Variants in AGBL1 observed in about 807,000 individuals in gnomAD.
AGBL1 encodes the protein AGBL carboxypeptidase 1.
Under a neutral mutation model 118.9 loss-of-function variants are expected in AGBL1, and 130 were observed. The ratio of observed to expected loss-of-function variants is 1.09; its 90% CI spans 0.95 to 1.26. The LOEUF is 1.26. Among genes scored for constraint, AGBL1 ranks in the 50% most tolerant of loss-of-function variants. AGBL1 has a pLI of 0.00. For missense variants in AGBL1, 1,584 were observed against 1,298.1 expected, an observed-to-expected ratio of 1.22 and a Z score of -3.38; for synonymous variants, 555 against 478.9, an observed-to-expected ratio of 1.16 and a Z score of -2.08.
chr15:86,957,774 G>A (rs946879278), intron 23 of AGBL1, among the ~76,000 whole-genome samples: 15 of 151,942 alleles, frequency 9.9e-5, no homozygotes, highest in South Asian at 2.1e-4. Context: ...AATTCTTGTC[G>A]TATTAATCTA....
intron 24 of AGBL1, among the ~76,000 whole-genome samples, chr15:86,990,811 C>T (rs556774644): frequency 1.3e-5 from 2 of 152,208 alleles, no homozygotes; most frequent in Admixed American, 6.5e-5. Flanking sequence ...CCACCAGGAG[C>T]AAGGACAGGG....
chr15:86,550,797 C>T (rs2083653684), intron 20 of AGBL1, among the ~76,000 whole-genome samples: 1 of 151,908 alleles, frequency 6.6e-6, no homozygotes, highest in Admixed American at 6.6e-5. Flanking sequence ...TTTGAGTGCA[C>T]ATCAAAATTT....
intron 22 of AGBL1, among the ~76,000 whole-genome samples, chr15:86,895,270 A>G (rs2080109193): frequency 6.6e-6 from 1 of 152,040 alleles, no homozygotes; most frequent in Admixed American, 6.5e-5. Context: ...AAGCCTTGAG[A>G]AAAATATAGA....
intron 17 of AGBL1, among the ~76,000 whole-genome samples, chr15:86,303,887 G>C (rs1425198917): frequency 6.6e-6 from 1 of 152,090 alleles, no homozygotes; most frequent in Non-Finnish European, 1.5e-5. Context: ...GAAAGAATTG[G>C]ATGTATTATC....
intron 21 of AGBL1, among the ~76,000 whole-genome samples, chr15:86,559,495 A>C (rs1488582679): frequency 6.6e-6 from 1 of 152,156 alleles, no homozygotes; most frequent in Admixed American, 6.6e-5. Context: ...TTGGAAGACA[A>C]ATTTGAGACT....
chr15:86,944,412 T>TGA lies in AGBL1; in HGVS notation c.3222-43575_3222-43574insGA, dbSNP rs2080791592. Reference sequence around the variant, plus strand: ...AATAATAATAATGAGGGCAGGCATGTTTCAGGATGGCCGACCAGCATGTGC... The same window carrying TGA: ...AATAATAATAATGAGGGCAGGCATGTGATTCAGGATGGCCGACCAGCATGTGC... On this transcript the variant is annotated intron_variant, in intron 23 of 24. Coordinates refer to the AGBL1 transcript ENST00000441037. Among the ~76,000 whole-genome samples the TGA allele has an allele frequency of 2.6e-5, 4 of 152,134 alleles. No individual in the cohort carries two copies. In the Middle Eastern group the frequency reaches 0.01, roughly 391 times the overall value.
At chr15:86,926,060 G>A (rs1304789570) in intron 23 of AGBL1, among the ~76,000 whole-genome samples, 1 of 152,068 alleles carries the variant, frequency 6.6e-6, no homozygotes, top group African/African-American at 2.4e-5. Flanking sequence ...TAACCTATAG[G>A]AGAAGGAAAA....
intron 21 of AGBL1, among the ~76,000 whole-genome samples, chr15:86,637,629 T>C (rs7183919): frequency 0.81 from 123,324 of 152,138 alleles, 50,959 homozygotes; most frequent in South Asian, 0.89. Flanking sequence ...GCAAAGGCTA[T>C]TGGGGTCATC....
At chr15:86,927,025 G>C (rs2080548308) in intron 23 of AGBL1, among the ~76,000 whole-genome samples, 1 of 151,952 alleles carries the variant, frequency 6.6e-6, no homozygotes, top group African/African-American at 2.4e-5. Context: ...TGTAATCCTA[G>C]CTGCTCAGGA....
rs2141293684 is a variant in AGBL1 at position 86,774,088 on chromosome 15, C to T, written c.3158+99652C>T. Among the ~76,000 whole-genome samples, 4 of 152,156 alleles carry T rather than the reference C, an allele frequency of 2.6e-5. No homozygotes were observed. The South Asian group carries it at 8.3e-4, about 32-fold the overall frequency. On this transcript the variant is annotated intron_variant, in intron 22 of 22. Transcript: ENST00000614907. ...CTTTGCCTAGCAACAGTAACCAAGA[C>T]CATCTGCAACTTCAGTCCTGTGAGA... is the stretch of plus-strand genomic sequence containing the variant.
chr15:86,907,051 C>T (rs1453077645), intron 22 of AGBL1, 36 bp from the exon 23 acceptor site: 1 of 152,324 alleles, frequency 6.6e-6, no homozygotes, highest in Non-Finnish European at 1.5e-5. Context: ...TCCTCTTCTT[C>T]CTTTCTTCTC....
At chr15:86,629,378 A>C (rs569204705) in intron 21 of AGBL1, among the ~76,000 whole-genome samples, 1 of 152,296 alleles carries the variant, frequency 6.6e-6, no homozygotes, top group African/African-American at 2.4e-5. Context: ...ATAGCAGTTA[A>C]TTTTAGAGCT....
intron 17 of AGBL1, among the ~76,000 whole-genome samples, chr15:86,335,345 G>A (rs1245004141): frequency 6.6e-6 from 1 of 151,968 alleles, no homozygotes; most frequent in Admixed American, 6.6e-5. Flanking sequence ...TCACTGTGTT[G>A]GCCAGGATGG....
chr15:86,235,545 A>G (rs1341566412), intron 6 of AGBL1, among the ~76,000 whole-genome samples: 1 of 152,230 alleles, frequency 6.6e-6, no homozygotes, highest in Non-Finnish European at 1.5e-5. Context: ...TAAACATTTC[A>G]TGACTCAGAA....
chr15:86,122,403 CCTT>C (rs990300886), intron 1 of AGBL1, among the ~76,000 whole-genome samples: 23 of 152,254 alleles, frequency 1.5e-4, no homozygotes, highest in African/African-American at 5.1e-4. Flanking sequence ...TAATTCTACT[CCTT>C]CTTCTCAAGT....
At chr15:86,095,883 G>A (rs1460386744) in intron 1 of AGBL1, among the ~76,000 whole-genome samples, 1 of 151,820 alleles carries the variant, frequency 6.6e-6, no homozygotes, top group Non-Finnish European at 1.5e-5. Context: ...GTGACCTTAG[G>A]CAAGCCATGT....
intron 5 of AGBL1, among the ~76,000 whole-genome samples, chr15:86,166,669 G>C (rs775373857): frequency 6.6e-6 from 1 of 152,250 alleles, no homozygotes; most frequent in South Asian, 2.1e-4. Flanking sequence ...CTGCGTGTGG[G>C]TTGTCCTGAT....
intron 22 of AGBL1, among the ~76,000 whole-genome samples, chr15:86,729,563 A>G (rs1184450369): frequency 2.0e-5 from 3 of 152,216 alleles, no homozygotes; most frequent in African/African-American, 7.2e-5. Context: ...TTTGCTTAGG[A>G]TAATGGCCTC....
In AGBL1 at chr15:86,756,199, C is replaced by T. The variant is rs534779022; in HGVS notation, c.3158+81763C>T. 3.3e-5 allele frequency among the ~76,000 whole-genome samples: 5 copies of T among 149,936 alleles called. No homozygotes were observed. The South Asian group carries it at 1.0e-3, about 31-fold the overall frequency. Reference sequence around the variant, plus strand: ...TCTTGAAATATGCAAAAACAGCTCACAGAAAAAGATAAGTCCCCATGAAAT... The same window carrying T: ...TCTTGAAATATGCAAAAACAGCTCATAGAAAAAGATAAGTCCCCATGAAAT... On this transcript the variant is annotated intron_variant, in intron 22 of 22. Coordinates refer to ENST00000614907, the MANE Select transcript of AGBL1 (RefSeq NM_001386094.1).
Sources: gnomAD v4.1 joint callset for allele counts (sites outside exome capture counted in the v4.1 genomes callset) on GRCh38, gnomAD v4.1.1 for gene constraint, MANE v1.5 for transcripts, NCBI Gene and HGNC (gene_info 2026-07-23, HGNC 2026-07-21) for gene names.